Variants in GJB6 observed in about 807,000 individuals in gnomAD.
GJB6 encodes gap junction beta-6 protein.
GJB6 carries 5 observed loss-of-function variants against 5.4 expected under a neutral mutation model. The ratio of observed to expected loss-of-function variants is 0.92; its 90% CI spans 0.48 to 1.93. The LOEUF (loss-of-function observed/expected upper bound fraction) is 1.93. Among genes scored for constraint, GJB6 ranks in the 30% most tolerant of loss-of-function variants. The probability of loss-of-function intolerance (pLI) is 0.01; values close to 1 mark genes in which losing one functional copy is unlikely to be tolerated. For synonymous variants in GJB6, 136 were observed against 129.6 expected (o/e 1.05, Z -0.34); for missense variants, 298 against 326.9 (o/e 0.91, Z 0.68).
chr13:20,226,797 G>A (rs1420853087), intron 4 of GJB6, among the ~76,000 whole-genome samples: 1 of 152,166 alleles, frequency 6.6e-6, no homozygotes, highest in Admixed American at 6.5e-5. Context: ...TCAACAAAAT[G>A]CCCAATCAGC....
chr13:20,228,114 GT>G (rs1869724314), intron 4 of GJB6, among the ~76,000 whole-genome samples: 1 of 152,234 alleles, frequency 6.6e-6, no homozygotes, highest in Non-Finnish European at 1.5e-5. Context: ...AATTTGTGAA[GT>G]CGTCACTAAT....
intron 4 of GJB6, among the ~76,000 whole-genome samples, chr13:20,223,912 T>G (rs1241631898): frequency 6.6e-6 from 1 of 151,642 alleles, no homozygotes; most frequent in African/African-American, 2.4e-5. Flanking sequence ...GAGCTTGCAG[T>G]GAGCCGAGAT....
intron 4 of GJB6, among the ~76,000 whole-genome samples, chr13:20,228,731 C>A (rs12870724): frequency 0.25 from 37,615 of 150,872 alleles, 5,044 homozygotes; most frequent in Middle Eastern, 0.29. Flanking sequence ...TGATCCGCCC[C>A]CCTTGGCCTC....
chr13:20,226,469 A>G (rs1404989450), intron 4 of GJB6, among the ~76,000 whole-genome samples: 1 of 152,158 alleles, frequency 6.6e-6, no homozygotes. Flanking sequence ...CCTCCCTTTC[A>G]TATACAACAT....
At chr13:20,227,855 A>G (rs1593367492) in intron 4 of GJB6, among the ~76,000 whole-genome samples, 1 of 152,116 alleles carries the variant, frequency 6.6e-6, no homozygotes, top group South Asian at 2.1e-4. Context: ...CGGTGGGAGG[A>G]TGGCAGTAAA....
At chr13:20,227,111 C>T (rs1193332582) in intron 4 of GJB6, among the ~76,000 whole-genome samples, 1 of 152,144 alleles carries the variant, frequency 6.6e-6, no homozygotes. Flanking sequence ...TCCCTGACCT[C>T]TGCAGCTTTG....
Position 20,222,987 on chromosome 13 carries a change from C to A in GJB6, c.494G>T (p.Trp165Leu). 6.2e-7 allele frequency: 1 copy of A among 1,614,168 alleles called. No homozygotes were observed. The highest frequency in any genetic ancestry group is 1.1e-5 in the South Asian group (1 of 91,074). ...YFLYNGYHLP[W>L]VLKCGIDPCP... ...GGGGTCAATCCCACATTTCAACACC[C>A]AGGGCAGGTGGTACCCATTGTAAAG... Residue 165 changes from tryptophan (W) to leucine (L), a missense_variant, in exon 5 of 5, where the codon TGG becomes TTG. By Grantham distance (61) the Trp-to-Leu change is moderately conservative. Transcript: ENST00000647029.
At chr13:20,230,037 T>A (rs1054809856) in intron 3 of GJB6, 1 of 151,412 alleles carries the variant, frequency 6.6e-6, no homozygotes, top group Non-Finnish European at 1.5e-5. Context: ...CAGGGGAGAG[T>A]TTGAGACACT....
In GJB6 at chr13:20,222,533, T is replaced by C. The variant is rs1386860083; in HGVS notation, c.*162A>G. Reference sequence around the variant, plus strand: ...ACCACATATTTGATTACGTTGTGTATGAATGGAGCAAGTATCCTACAAAAA... The same window carrying C: ...ACCACATATTTGATTACGTTGTGTACGAATGGAGCAAGTATCCTACAAAAA... On this transcript the variant is annotated 3_prime_UTR_variant, in exon 5 of 5. Transcript: ENST00000647029. 1 of 644,184 alleles carries C rather than the reference T, an allele frequency of 1.6e-6. No homozygotes were observed. Among genetic ancestry groups the C allele is most frequent in the Admixed American group, 2.6e-5 (1 of 39,128 alleles). 39.9% of individuals were successfully genotyped at this position (644,184 alleles called of 1,614,324 possible). A position where few individuals can be genotyped will look rare whatever the true frequency, so the allele number is the denominator to read the frequency against.
rs780836560 is a variant in GJB6 at position 20,223,349 on chromosome 13, C to G, written c.132G>C (p.Trp44Cys). 1 of 1,614,026 alleles carries G rather than the reference C, an allele frequency of 6.2e-7. No homozygotes were observed. The highest frequency in any genetic ancestry group is 1.7e-5 in the Admixed American group (1 of 59,998). Residue 44 changes from tryptophan (W) to cysteine (C), a missense_variant, in exon 5 of 5, where the codon TGG becomes TGC. Transcript: ENST00000647029. ...AGACGAAGTCCTCTTGCTCGTCACC[C>G]CACACTTCCTGGGCAGCCACCACGA... ...MILVVAAQEV[W>C]GDEQEDFVCN...
At chr13:20,227,992 G>T (rs1243919870) in intron 4 of GJB6, among the ~76,000 whole-genome samples, 1 of 130,290 alleles carries the variant, frequency 7.7e-6, no homozygotes, top group Non-Finnish European at 1.6e-5. Flanking sequence ...TTGTGGGTTG[G>T]GGGTGGCAAA....
chr13:20,223,340 C>T lies in GJB6; in HGVS notation c.141G>A (p.Glu47=). The T allele has an allele frequency of 6.2e-7, 1 of 1,614,180 alleles. No individual in the cohort carries two copies. ...GTGTGTTGCAGACGAAGTCCTCTTGCTCGTCACCCCACACTTCCTGGGCAG... is the reference window on the plus strand; with the variant it reads ...GTGTGTTGCAGACGAAGTCCTCTTGTTCGTCACCCCACACTTCCTGGGCAG... ...VVAAQEVWGD[E]QEDFVCNTLQ... Residue 47 remains glutamate, a synonymous_variant, in exon 5 of 5, where the codon GAG becomes GAA. Transcript: ENST00000647029.
intron 4 of GJB6, among the ~76,000 whole-genome samples, chr13:20,226,937 G>A (rs947089438): frequency 2.6e-5 from 4 of 152,060 alleles, no homozygotes; most frequent in African/African-American, 9.7e-5. Context: ...CCTGAACAAC[G>A]GCACCCCGTG....
intron 4 of GJB6, among the ~76,000 whole-genome samples, chr13:20,228,545 A>G (rs7339016): frequency 0.36 from 53,997 of 149,846 alleles, 10,705 homozygotes; most frequent in South Asian, 0.5. Context: ...GTACCGTGGC[A>G]CGATCTCGGC....
In GJB6 at chr13:20,222,467, C is replaced by CA. The variant is rs368264636; in HGVS notation, c.*227dup. 796 of 561,430 alleles carry CA rather than the reference C, an allele frequency of 1.4e-3. 6 individuals are homozygous for CA. The highest frequency in any genetic ancestry group is 0.013 in the African/African-American group (708 of 53,302). The allele number at this position is 561,430 out of a possible 1,614,324, so 34.8% of individuals were successfully genotyped here. A position where few individuals can be genotyped will look rare whatever the true frequency, so the allele number is the denominator to read the frequency against. On this transcript the variant is annotated 3_prime_UTR_variant, in exon 5 of 5. Coordinates refer to ENST00000647029, the MANE Select transcript of GJB6 (RefSeq NM_001110219.3). ...TAAAAGGAACCTGTCAAAGTGACTG[C>CA]AATGCTCCTTTGTCAAGCAGTCTCT...
chr13:20,224,619 G>T (rs1166526129), intron 4 of GJB6, among the ~76,000 whole-genome samples: 3 of 152,192 alleles, frequency 2.0e-5, no homozygotes, highest in Admixed American at 2.0e-4. Flanking sequence ...CTTCTTTACA[G>T]CTATGGACAC....
In GJB6 at chr13:20,232,302, C is replaced by CGG. The variant is rs1031381471; in HGVS notation, c.-530_-529dup. On this transcript the variant is annotated 5_prime_UTR_variant, in exon 1 of 5. Transcript: ENST00000647029. ...GCGCCGCCGGCTGTCGGGCTCTCGT[C>CGG]GGGTTTCGGGTGAAGGCCCCGGCTC... 3 of 151,812 alleles carry CGG rather than the reference C, an allele frequency of 2.0e-5. No homozygotes were observed. Among genetic ancestry groups the CGG allele is most frequent in the African/African-American group, 7.3e-5 (3 of 41,346 alleles). The allele number at this position is 151,812 out of a possible 1,614,324, so 9.4% of individuals were successfully genotyped here. A position where few individuals can be genotyped will look rare whatever the true frequency, so the allele number is the denominator to read the frequency against.
At position 20,229,269 on chromosome 13, in the gene GJB6, C is replaced by T. The variant is rs1869890967; in HGVS notation, c.-16+311G>A. On this transcript the variant is annotated intron_variant, in intron 4 of 4. Coordinates refer to ENST00000647029, the MANE Select transcript of GJB6 (RefSeq NM_001110219.3). ...GTTCTAGTGATTCTTGTGCTTCAGC[C>T]TCCTGAATAGCTGGGACTACAGGCA... Among the ~76,000 whole-genome samples, 4 of 148,974 alleles carry T rather than the reference C, an allele frequency of 2.7e-5. No individual in the cohort carries two copies. In the South Asian group the frequency reaches 8.5e-4, roughly 32 times the overall value.
intron 1 of GJB6, 145 bp from the exon 2 acceptor site, chr13:20,231,650 C>T (rs551114751): frequency 7.9e-5 from 12 of 152,378 alleles, no homozygotes; most frequent in African/African-American, 2.9e-4. Flanking sequence ...GAGGGTTTGT[C>T]TGAACTGAAA....
Sources: allele counts gnomAD v4.1 joint callset (sites outside exome capture counted in the v4.1 genomes callset), GRCh38; gene constraint gnomAD v4.1.1; transcripts MANE v1.5; gene names NCBI Gene and HGNC (gene_info 2026-07-23, HGNC 2026-07-21).